MARCHF1: variants seen among roughly 807,000 people sequenced by gnomAD.
MARCHF1 encodes E3 ubiquitin-protein ligase MARCHF1.
MARCHF1 carries 40 observed loss-of-function variants against 54.2 expected under a neutral mutation model. The observed-to-expected ratio is 0.74, with a 90% CI of 0.57 to 0.96. MARCHF1 has a LOEUF of 0.96. Among genes scored for constraint, MARCHF1 ranks in the 40% least tolerant of loss-of-function variants. The pLI is 0.00. For missense variants in MARCHF1, 586 were observed against 656.5 expected (o/e 0.89, Z 1.17); for synonymous variants, 236 against 236.3 (o/e 1.00, Z 0.01).
At position 163,528,508 on chromosome 4, in the gene MARCHF1, AT is replaced by A; in HGVS notation, c.*239del. On this transcript the variant is annotated 3_prime_UTR_variant, in exon 10 of 10. Transcript: ENST00000514618. ...GTAGTTCTTAATTGTCTTGGAAATC[AT>A]TCTCTTGCAAACTTCACATTTCCAT... 2.2e-6 allele frequency: 1 copy of A among 464,736 alleles called. No homozygotes were observed. The highest frequency in any genetic ancestry group is 3.8e-6 in the Non-Finnish European group (1 of 261,422). 28.8% of individuals were successfully genotyped at this position (464,736 alleles called of 1,614,324 possible). A position where few individuals can be genotyped will look rare whatever the true frequency, so the allele number is the denominator to read the frequency against.
chr4:164,220,591 G>T (rs1239372841), intron 1 of MARCHF1, among the ~76,000 whole-genome samples: 1 of 142,488 alleles, frequency 7.0e-6, no homozygotes, highest in Non-Finnish European at 1.5e-5. Flanking sequence ...TATGATATAT[G>T]TATATATGTA....
intron 4 of MARCHF1, among the ~76,000 whole-genome samples, chr4:163,833,376 T>C (rs1749086021): frequency 6.6e-6 from 1 of 152,092 alleles, no homozygotes; most frequent in African/African-American, 2.4e-5. Context: ...TGGGATCTAA[T>C]TAAACTAAAG....
chr4:163,967,952 C>T (rs1752476432), intron 3 of MARCHF1, among the ~76,000 whole-genome samples: 1 of 152,148 alleles, frequency 6.6e-6, no homozygotes, highest in Non-Finnish European at 1.5e-5. Context: ...TCTGCTTACT[C>T]AGAATTCACT....
At chr4:164,064,550 G>A (rs1371494595) in intron 2 of MARCHF1, among the ~76,000 whole-genome samples, 1 of 152,152 alleles carries the variant, frequency 6.6e-6, no homozygotes, top group African/African-American at 2.4e-5. Flanking sequence ...AAGCTTTTGG[G>A]CTTAGATAAT....
At chr4:164,339,809 A>C (rs1729861598) in intron 1 of MARCHF1, among the ~76,000 whole-genome samples, 1 of 152,164 alleles carries the variant, frequency 6.6e-6, no homozygotes, top group Non-Finnish European at 1.5e-5. Flanking sequence ...CAAAATCAAC[A>C]AACATTTAGC....
intron 3 of MARCHF1, among the ~76,000 whole-genome samples, chr4:163,923,145 A>G (rs1751466624): frequency 6.6e-6 from 1 of 150,496 alleles, no homozygotes; most frequent in African/African-American, 2.4e-5. Flanking sequence ...GGTAAAAAAT[A>G]CTTTATGTAA....
intron 1 of MARCHF1, among the ~76,000 whole-genome samples, chr4:164,128,655 T>G (rs1042538602): frequency 6.6e-6 from 1 of 152,188 alleles, no homozygotes; most frequent in African/African-American, 2.4e-5. Context: ...GAAACAATGT[T>G]TATATACACA....
chr4:163,984,908 G>A lies in MARCHF1; in HGVS notation c.-39+3593C>T, dbSNP rs548104973. On this transcript the variant is annotated intron_variant, in intron 3 of 9. Coordinates refer to ENST00000514618, the MANE Select transcript of MARCHF1 (RefSeq NM_001394959.1). Reference sequence around the variant, plus strand: ...TCAACCAGAAAAGAAAAAGAAATCTGGAACTATGAACCATTTTGAAGAGGT... The same window carrying A: ...TCAACCAGAAAAGAAAAAGAAATCTAGAACTATGAACCATTTTGAAGAGGT... Among the ~76,000 whole-genome samples, 7 of 152,218 alleles carry A rather than the reference G, an allele frequency of 4.6e-5. No homozygotes were observed. The South Asian group carries it at 1.5e-3, about 32-fold the overall frequency.
intron 5 of MARCHF1, among the ~76,000 whole-genome samples, chr4:163,631,679 T>C (rs1218156585): frequency 6.6e-6 from 1 of 152,162 alleles, no homozygotes; most frequent in African/African-American, 2.4e-5. Context: ...CAATACAAGA[T>C]AAAGTTTAAT....
chr4:164,157,706 T>C (rs1730114981), intron 1 of MARCHF1, among the ~76,000 whole-genome samples: 1 of 152,132 alleles, frequency 6.6e-6, no homozygotes, highest in Non-Finnish European at 1.5e-5. Context: ...TCTCCTTGTG[T>C]GTGTTTGTGT....
rs543943258 is a variant in MARCHF1 at position 164,086,510 on chromosome 4, T to C, written c.-248+25078A>G. ...TACACACCAGTTATTATGAGTGATA[T>C]TTATTGAACATTATTAACTGTGTAT... is the stretch of plus-strand genomic sequence containing the variant. On this transcript the variant is annotated intron_variant, in intron 2 of 9. Coordinates refer to ENST00000514618, the MANE Select transcript of MARCHF1 (RefSeq NM_001394959.1). Among the ~76,000 whole-genome samples, 3 of 152,154 alleles carry C rather than the reference T, an allele frequency of 2.0e-5. No individual in the cohort carries two copies. The East Asian group carries it at 5.8e-4, about 29-fold the overall frequency.
intron 9 of MARCHF1, chr4:163,529,909 C>T (rs567050748): frequency 2.0e-5 from 3 of 151,850 alleles, no homozygotes; most frequent in Non-Finnish European, 4.4e-5. Flanking sequence ...GTGTGGGGGA[C>T]AATAGCTGTC....
intron 3 of MARCHF1, among the ~76,000 whole-genome samples, chr4:163,977,835 C>T (rs776160267): frequency 1.8e-4 from 28 of 152,254 alleles, no homozygotes; most frequent in African/African-American, 2.9e-4. Flanking sequence ...AAACTTTCAA[C>T]GAACTTTTTC....
intron 3 of MARCHF1, among the ~76,000 whole-genome samples, chr4:163,917,101 T>C (rs1373277178): frequency 1.3e-5 from 2 of 152,192 alleles, no homozygotes; most frequent in African/African-American, 4.8e-5. Context: ...TCACACAGTA[T>C]GTAGTCTTTT....
rs1439199247 is a variant in MARCHF1 at position 164,119,996 on chromosome 4, A to C, written c.-322-8334T>G. 4.6e-5 allele frequency among the ~76,000 whole-genome samples: 7 copies of C among 151,946 alleles called. No homozygotes were observed. The South Asian group carries it at 1.0e-3, about 23-fold the overall frequency. ...ACTTATACATTATTTTTATGAAGTG[A>C]ATATATAACAGATAACTAAATTTGA... On this transcript the variant is annotated intron_variant, in intron 1 of 9. Transcript: ENST00000514618.
At chr4:163,566,499 C>T (rs542043520) in intron 8 of MARCHF1, among the ~76,000 whole-genome samples, 1 of 152,310 alleles carries the variant, frequency 6.6e-6, no homozygotes, top group East Asian at 1.9e-4. Flanking sequence ...ACCTAACAGA[C>T]TGTGGTGTTG....
intron 1 of MARCHF1, among the ~76,000 whole-genome samples, chr4:164,296,126 T>G (rs749568830): frequency 6.6e-6 from 1 of 152,154 alleles, no homozygotes; most frequent in Non-Finnish European, 1.5e-5. Context: ...AAAAAAAAAT[T>G]TACCTTAACT....
chr4:163,914,651 T>A (rs925144716), intron 3 of MARCHF1, among the ~76,000 whole-genome samples: 1 of 152,136 alleles, frequency 6.6e-6, no homozygotes, highest in Admixed American at 6.6e-5. Flanking sequence ...AAATGTCAAA[T>A]ATTTCCAAAT....
At chr4:163,845,001 T>C (rs1287213228) in intron 4 of MARCHF1, among the ~76,000 whole-genome samples, 1 of 152,178 alleles carries the variant, frequency 6.6e-6, no homozygotes, top group African/African-American at 2.4e-5. Context: ...GATATAGGAC[T>C]CTGGGTTCCT....
Sources: allele counts gnomAD v4.1 joint callset (sites outside exome capture counted in the v4.1 genomes callset), GRCh38; gene constraint gnomAD v4.1.1; transcripts MANE v1.5; gene names NCBI Gene and HGNC (gene_info 2026-07-23, HGNC 2026-07-21).